Variants in CTNNA3 observed in about 807,000 individuals in gnomAD.
The protein encoded by CTNNA3 is catenin alpha 3.
A neutral mutation model predicts 95.7 loss-of-function variants in CTNNA3; 76 were observed. The ratio of observed to expected loss-of-function variants is 0.79; its 90% CI spans 0.66 to 0.96. The LOEUF (loss-of-function observed/expected upper bound fraction) is 0.96, where lower values mean the gene tolerates loss of function less well. CTNNA3 is among the 40% of genes least tolerant of loss of function. CTNNA3 has a pLI of 0.00. For missense variants in CTNNA3, 1,191 were observed against 1,089.8 expected (o/e 1.09, Z -1.31); for synonymous variants, 431 against 374.4 (o/e 1.15, Z -1.74).
chr10:66,659,025 A>T (rs1301840041), intron 9 of CTNNA3, among the ~76,000 whole-genome samples: 2 of 151,870 alleles, frequency 1.3e-5, no homozygotes, highest in African/African-American at 2.4e-5. Flanking sequence ...TCATTTATTC[A>T]CTCATTCAAC....
At chr10:66,445,134 T>A (rs1163725920) in intron 11 of CTNNA3, among the ~76,000 whole-genome samples, 2 of 151,982 alleles carry the variant, frequency 1.3e-5, no homozygotes, top group African/African-American at 2.4e-5. Context: ...ATCCTAAATA[T>A]ACATGCACCC....
intron 7 of CTNNA3, among the ~76,000 whole-genome samples, chr10:66,969,745 G>A (rs1380769991): frequency 6.6e-6 from 1 of 152,048 alleles, no homozygotes; most frequent in Non-Finnish European, 1.5e-5. Context: ...TTTTTTGTTT[G>A]TTTATTAACT....
At chr10:67,204,122 C>T (rs992635725) in intron 6 of CTNNA3, among the ~76,000 whole-genome samples, 46 of 151,000 alleles carry the variant, frequency 3.0e-4, no homozygotes, top group African/African-American at 1.1e-3. Flanking sequence ...TCTCTTAGAC[C>T]TAAAAGTATT....
At chr10:67,574,441 G>A (rs7895297) in intron 3 of CTNNA3, among the ~76,000 whole-genome samples, 19,084 of 151,396 alleles carry the variant, frequency 0.13, 1,478 homozygotes, top group South Asian at 0.29. Flanking sequence ...TTTTTAATTA[G>A]TGTCCTGACC....
At chr10:67,712,590 C>A (rs1009740665) in intron 1 of CTNNA3, among the ~76,000 whole-genome samples, 1 of 152,166 alleles carries the variant, frequency 6.6e-6, no homozygotes, top group East Asian at 1.9e-4. Context: ...GGGTGCAAGC[C>A]CCAAGCCTTG....
intron 12 of CTNNA3, among the ~76,000 whole-genome samples, chr10:66,299,795 A>ATTTCCAGT (rs1290630092): frequency 1.3e-5 from 2 of 152,214 alleles, no homozygotes; most frequent in African/African-American, 4.8e-5. Flanking sequence ...ATGCTTACTA[A>ATTTCCAGT]AAGGCCCACA....
chr10:67,578,996 GATATAT>G (rs533690910), intron 3 of CTNNA3, among the ~76,000 whole-genome samples: 105 of 87,374 alleles, frequency 1.2e-3, no homozygotes, highest in Middle Eastern at 7.0e-3. Flanking sequence ...TGATCATAGT[GATATAT>G]ATATATATAT....
intron 7 of CTNNA3, among the ~76,000 whole-genome samples, chr10:66,852,821 A>T (rs1843544424): frequency 6.6e-6 from 1 of 152,276 alleles, no homozygotes; most frequent in Admixed American, 6.5e-5. Context: ...ATTAAAAAAA[A>T]CTTCACACTG....
At chr10:66,105,587 T>C (rs1408158305) in intron 13 of CTNNA3, among the ~76,000 whole-genome samples, 1 of 152,240 alleles carries the variant, frequency 6.6e-6, no homozygotes, top group Admixed American at 6.5e-5. Context: ...CAATTGCTGC[T>C]ATCAGAAGTC....
intron 16 of CTNNA3, among the ~76,000 whole-genome samples, chr10:65,970,697 T>C (rs2133269217): frequency 6.8e-6 from 1 of 148,086 alleles, no homozygotes; most frequent in African/African-American, 2.4e-5. Context: ...AGGTAAAATA[T>C]ATGTATTTTA....
intron 11 of CTNNA3, among the ~76,000 whole-genome samples, chr10:66,422,550 A>G (rs2093204410): frequency 1.3e-5 from 2 of 151,824 alleles, no homozygotes; most frequent in South Asian, 4.1e-4. Context: ...TTTTTTTTCA[A>G]AACAAGAGGC....
At chr10:66,689,357 C>A (rs1847429833) in intron 9 of CTNNA3, among the ~76,000 whole-genome samples, 1 of 152,152 alleles carries the variant, frequency 6.6e-6, no homozygotes, top group Non-Finnish European at 1.5e-5. Context: ...CCATAAAGCT[C>A]TCTCCAAAAT....
At chr10:66,116,892 T>C (rs2082364573) in intron 13 of CTNNA3, among the ~76,000 whole-genome samples, 1 of 152,076 alleles carries the variant, frequency 6.6e-6, no homozygotes, top group South Asian at 2.1e-4. Flanking sequence ...TCATTCACTA[T>C]CACGAGAACA....
chr10:67,719,984 C>G (rs1283479754), intron 1 of CTNNA3, among the ~76,000 whole-genome samples: 1 of 151,730 alleles, frequency 6.6e-6, no homozygotes, highest in African/African-American at 2.4e-5. Context: ...CTAGGTGCTC[C>G]TGTGTTGTTT....
chr10:66,775,926 A>G (rs1317016075), intron 7 of CTNNA3, among the ~76,000 whole-genome samples: 2 of 152,198 alleles, frequency 1.3e-5, no homozygotes, highest in African/African-American at 4.8e-5. Context: ...TGTATTGTGT[A>G]AGTTATGCAG....
At chr10:67,584,326 A>C (rs920855733) in intron 3 of CTNNA3, among the ~76,000 whole-genome samples, 1 of 152,192 alleles carries the variant, frequency 6.6e-6, no homozygotes, top group African/African-American at 2.4e-5. Context: ...ACTTTGCTGG[A>C]GGTCCACTCC....
At chr10:66,511,477 T>C (rs1386050600) in intron 11 of CTNNA3, among the ~76,000 whole-genome samples, 1 of 151,600 alleles carries the variant, frequency 6.6e-6, no homozygotes, top group African/African-American at 2.4e-5. Flanking sequence ...GAAATCTTTT[T>C]TTTTTTATAT....
chr10:66,180,819 A>AC (rs911578953), intron 13 of CTNNA3, among the ~76,000 whole-genome samples: 110 of 152,272 alleles, frequency 7.2e-4, no homozygotes, highest in African/African-American at 2.3e-3. Flanking sequence ...TTAGCCTGAG[A>AC]ATCTGAGCTA....
At chr10:66,050,233 A>G (rs1490895035) in intron 15 of CTNNA3, among the ~76,000 whole-genome samples, 2 of 152,128 alleles carry the variant, frequency 1.3e-5, no homozygotes, top group African/African-American at 4.8e-5. Flanking sequence ...TTCAACAGGA[A>G]GTCAGATATT....
Sources: allele counts gnomAD v4.1 joint callset (sites outside exome capture counted in the v4.1 genomes callset), GRCh38; gene constraint gnomAD v4.1.1; transcripts MANE v1.5; gene names NCBI Gene and HGNC (gene_info 2026-07-23, HGNC 2026-07-21).